CARMIL1: variants seen among roughly 807,000 people sequenced by gnomAD.
CARMIL1 encodes the protein capping protein regulator and myosin 1 linker 1, also known as F-actin-uncapping protein LRRC16A.
Under a neutral mutation model 177.1 loss-of-function variants are expected in CARMIL1, and 90 were observed. The observed-to-expected ratio is 0.51, with a 90% CI of 0.43 to 0.61. CARMIL1 has a LOEUF of 0.61. Ranked by LOEUF, CARMIL1 falls within the 20% of genes least tolerant of loss-of-function variation. CARMIL1 has a pLI of 0.00. For synonymous variants in CARMIL1, 577 were observed against 606.2 expected (o/e 0.95, Z 0.71); for missense variants, 1,380 against 1,667.0 (o/e 0.83, Z 3.00).
At chr6:25,490,557 G>A (rs1803099142) in intron 13 of CARMIL1, among the ~76,000 whole-genome samples, 1 of 152,044 alleles carries the variant, frequency 6.6e-6, no homozygotes, top group Admixed American at 6.5e-5. Flanking sequence ...AATTAGCTGG[G>A]CGTGGTGTCA....
chr6:25,410,297 G>C (rs2150631896), intron 2 of CARMIL1, among the ~76,000 whole-genome samples: 1 of 152,284 alleles, frequency 6.6e-6, no homozygotes, highest in South Asian at 2.1e-4. Context: ...AAATGATGTA[G>C]GCTGGGGAGG....
At chr6:25,440,545 A>G (rs9461173) in intron 5 of CARMIL1, among the ~76,000 whole-genome samples, 1 of 152,052 alleles carries the variant, frequency 6.6e-6, no homozygotes, top group Admixed American at 6.6e-5. Flanking sequence ...AGATTGCATT[A>G]TATGATTTTG....
intron 2 of CARMIL1, among the ~76,000 whole-genome samples, chr6:25,352,222 A>G (rs1484607201): frequency 6.6e-6 from 1 of 151,900 alleles, no homozygotes; most frequent in Non-Finnish European, 1.5e-5. Context: ...GAACTGGACA[A>G]TGGAGGATGG....
intron 2 of CARMIL1, among the ~76,000 whole-genome samples, chr6:25,321,705 C>G (rs1329145930): frequency 6.6e-6 from 1 of 151,442 alleles, no homozygotes; most frequent in East Asian, 1.9e-4. Flanking sequence ...GTTGCCCAGG[C>G]TGGAGTGCAG....
At chr6:25,599,583 A>G (rs1259651690) in intron 32 of CARMIL1, among the ~76,000 whole-genome samples, 2 of 152,130 alleles carry the variant, frequency 1.3e-5, no homozygotes, top group African/African-American at 2.4e-5. Context: ...CTCCCAGAGC[A>G]TACTCTCTGC....
At chr6:25,467,584 C>G (rs1415497384) in intron 9 of CARMIL1, among the ~76,000 whole-genome samples, 10 of 152,128 alleles carry the variant, frequency 6.6e-5, no homozygotes, top group Admixed American at 6.5e-4. Context: ...CATTATTCCT[C>G]CCAGGTATCA....
In CARMIL1 at chr6:25,495,179, A is replaced by G. The variant is rs1239116869; in HGVS notation, c.1289A>G (p.Asn430Ser). 1.5e-5 allele frequency: 25 copies of G among 1,613,234 alleles called. No individual in the cohort carries two copies. The East Asian group carries it at 4.2e-4, about 27-fold the overall frequency. The change falls in exon 16 of 37, where the codon AAC becomes AGC. Residue 430 changes from asparagine to serine, a missense_variant. Asn to Ser is a conservative substitution (Grantham distance 46). Transcript: ENST00000329474. ...FSSSLALMHI[N>S]LSGTKLSPEP... Reference sequence around the variant, plus strand: ...AGTTCTCTGGCTTTGATGCACATCAACCTTTCAGGCACAAAACTGTCTCCT... The same window carrying G: ...AGTTCTCTGGCTTTGATGCACATCAGCCTTTCAGGCACAAAACTGTCTCCT...
intron 2 of CARMIL1, among the ~76,000 whole-genome samples, chr6:25,363,925 C>G (rs1445219752): frequency 6.6e-6 from 1 of 151,858 alleles, no homozygotes; most frequent in Non-Finnish European, 1.5e-5. Flanking sequence ...TTCTTCCTTT[C>G]TCTCTTCTCT....
intron 2 of CARMIL1, among the ~76,000 whole-genome samples, chr6:25,399,519 A>G (rs982870547): frequency 2.0e-5 from 3 of 152,244 alleles, no homozygotes; most frequent in African/African-American, 7.2e-5. Context: ...TGTCAGAGGC[A>G]TTGAAACCAC....
chr6:25,536,820 A>C (rs1808349465), intron 24 of CARMIL1, among the ~76,000 whole-genome samples: 1 of 152,232 alleles, frequency 6.6e-6, no homozygotes, highest in Non-Finnish European at 1.5e-5. Flanking sequence ...AAAATAGAGA[A>C]GTGTGAATTT....
intron 2 of CARMIL1, among the ~76,000 whole-genome samples, chr6:25,306,306 G>A (rs1219123574): frequency 1.3e-5 from 2 of 152,138 alleles, no homozygotes; most frequent in Non-Finnish European, 1.5e-5. Flanking sequence ...GGAGGTGAGC[G>A]GCAGGTAAGT....
intron 2 of CARMIL1, among the ~76,000 whole-genome samples, chr6:25,285,595 T>C (rs1441266854): frequency 3.3e-5 from 5 of 152,194 alleles, no homozygotes; most frequent in African/African-American, 1.2e-4. Flanking sequence ...AGGTTGAGAT[T>C]GTGGCAAATC....
At chr6:25,526,178 TAAA>T (rs1807089231) in intron 23 of CARMIL1, among the ~76,000 whole-genome samples, 1 of 150,052 alleles carries the variant, frequency 6.7e-6, no homozygotes, top group East Asian at 2.0e-4. Flanking sequence ...AATAAATAAA[TAAA>T]TAAATAAATA....
chr6:25,396,437 C>A (rs541926094), intron 2 of CARMIL1, among the ~76,000 whole-genome samples: 2 of 151,018 alleles, frequency 1.3e-5, no homozygotes, highest in African/African-American at 2.4e-5. Context: ...TCTCGGCTCA[C>A]TGCAACCTCT....
chr6:25,582,444 G>A (rs1167426686), intron 31 of CARMIL1, among the ~76,000 whole-genome samples: 4 of 152,096 alleles, frequency 2.6e-5, no homozygotes, highest in South Asian at 4.1e-4. Flanking sequence ...TAGATTTCTG[G>A]ATATCCACTT....
At chr6:25,503,025 T>G (rs1464213823) in intron 17 of CARMIL1, among the ~76,000 whole-genome samples, 2 of 152,360 alleles carry the variant, frequency 1.3e-5, no homozygotes, top group East Asian at 3.9e-4. Context: ...ATTTTGCATG[T>G]CAAAAATTGC....
chr6:25,546,861 C>T (rs1417202145), intron 26 of CARMIL1, among the ~76,000 whole-genome samples: 2 of 151,706 alleles, frequency 1.3e-5, no homozygotes, highest in African/African-American at 4.8e-5. Context: ...ACCAGCCTGG[C>T]TAACATGGCA....
chr6:25,549,196 A>T (rs947304559), intron 26 of CARMIL1, among the ~76,000 whole-genome samples: 2 of 152,236 alleles, frequency 1.3e-5, no homozygotes, highest in African/African-American at 4.8e-5. Context: ...CAGAAATTTC[A>T]TGTCAGAGTT....
chr6:25,581,337 G>T lies in CARMIL1; in HGVS notation c.2904G>T (p.Ser968=). The part of the protein sequence containing the change: ...FPSLRQEKRS[S]GFISELPSEE... ...CCCTCAGACAGGAGAAGCGGAGCTC[G>T]GGATTTATCTCTGAGTTGCCCTCTG... The change falls in exon 31 of 37, where the codon TCG becomes TCT. Residue 968 remains serine (S), a synonymous_variant. Transcript: ENST00000329474. The T allele has an allele frequency of 6.2e-7, 1 of 1,613,780 alleles. No homozygotes were observed. Among genetic ancestry groups the T allele is most frequent in the Non-Finnish European group, 8.5e-7 (1 of 1,179,858 alleles).
Sources: gnomAD v4.1 joint callset for allele counts (sites outside exome capture counted in the v4.1 genomes callset) on GRCh38, gnomAD v4.1.1 for gene constraint, MANE v1.5 for transcripts, NCBI Gene and HGNC (gene_info 2026-07-23, HGNC 2026-07-21) for gene names.